FRMD4A: variants seen among roughly 807,000 people sequenced by gnomAD.
FRMD4A encodes FERM domain containing 4A.
Under a neutral mutation model 129.1 loss-of-function variants are expected in FRMD4A, and 29 were observed. The observed-to-expected ratio is 0.22, with a 90% confidence interval of 0.17 to 0.31. FRMD4A has a LOEUF of 0.31. Among genes scored for constraint, FRMD4A ranks in the 10% least tolerant of loss-of-function variants. The pLI, the probability that FRMD4A is intolerant of heterozygous loss-of-function variation, is 1.00. For synonymous variants in FRMD4A, 634 were observed against 571.6 expected, an observed-to-expected ratio of 1.11 and a Z score of -1.56; for missense variants, 1,272 against 1,375.8, an observed-to-expected ratio of 0.92 and a Z score of 1.19.
intron 2 of FRMD4A, among the ~76,000 whole-genome samples, chr10:14,265,542 A>C (rs1362507661): frequency 6.6e-6 from 1 of 152,238 alleles, no homozygotes; most frequent in East Asian, 1.9e-4. Flanking sequence ...CACAATTTGT[A>C]GAGGTTAGAA....
chr10:13,704,731 G>A (rs1036261576), intron 13 of FRMD4A, among the ~76,000 whole-genome samples: 2 of 152,112 alleles, frequency 1.3e-5, no homozygotes, highest in South Asian at 2.1e-4. Flanking sequence ...GCTACTTGTC[G>A]TCTAGAGCAG....
chr10:13,813,065 C>T (rs1401551783), intron 3 of FRMD4A, among the ~76,000 whole-genome samples: 4 of 152,220 alleles, frequency 2.6e-5, no homozygotes, highest in South Asian at 4.1e-4. Flanking sequence ...AGCACTAGCT[C>T]CACCCCCAGG....
intron 12 of FRMD4A, chr10:13,729,556 C>T (rs58488620): frequency 2.0e-5 from 3 of 152,246 alleles, no homozygotes; most frequent in Non-Finnish European, 4.4e-5. Flanking sequence ...TCATTTCATT[C>T]AAAAATCTTT....
intron 3 of FRMD4A, among the ~76,000 whole-genome samples, chr10:13,823,467 C>T (rs2093657969): frequency 6.6e-6 from 1 of 152,226 alleles, no homozygotes; most frequent in African/African-American, 2.4e-5. Flanking sequence ...CCAGATAGGA[C>T]TGCCAAGTCT....
intron 3 of FRMD4A, among the ~76,000 whole-genome samples, chr10:13,811,929 C>T (rs1187236186): frequency 1.4e-5 from 2 of 142,344 alleles, no homozygotes; most frequent in African/African-American, 5.2e-5. Context: ...TGTCACCAGG[C>T]TGGTGTGCAG....
In FRMD4A at chr10:14,298,398, G is replaced by GA. The variant is rs551793087; in HGVS notation, c.45+31659dup. ...TTCTCCACTGGAAGAAAAGCACAATGAAAAAAACAATGCAACTGGCCCTCA... is the reference window on the plus strand; with the variant it reads ...TTCTCCACTGGAAGAAAAGCACAATGAAAAAAAACAATGCAACTGGCCCTCA... On this transcript the variant is annotated intron_variant, in intron 2 of 24. Coordinates refer to ENST00000357447, the MANE Select transcript of FRMD4A (RefSeq NM_018027.5). 5.9e-5 allele frequency among the ~76,000 whole-genome samples: 9 copies of GA among 152,134 alleles called. No homozygotes were observed. In the South Asian group the frequency reaches 1.2e-3, roughly 21 times the overall value.
chr10:14,017,115 T>C (rs1311086537), intron 2 of FRMD4A, among the ~76,000 whole-genome samples: 1 of 152,214 alleles, frequency 6.6e-6, no homozygotes, highest in Non-Finnish European at 1.5e-5. Flanking sequence ...GGCTAAAGGC[T>C]ATTCTACATG....
chr10:13,994,282 C>T (rs1200096489), intron 2 of FRMD4A, among the ~76,000 whole-genome samples: 1 of 149,962 alleles, frequency 6.7e-6, no homozygotes, highest in Non-Finnish European at 1.5e-5. Flanking sequence ...CGGGTTCAAG[C>T]AATTCCCCTG....
intron 2 of FRMD4A, among the ~76,000 whole-genome samples, chr10:14,317,412 C>G (rs925885309): frequency 6.6e-6 from 1 of 152,186 alleles, no homozygotes; most frequent in Admixed American, 6.6e-5. Flanking sequence ...TCCTCCAGAA[C>G]CTTCAGCTCT....
At chr10:13,809,045 C>G (rs762823447) in intron 4 of FRMD4A, among the ~76,000 whole-genome samples, 4 of 152,222 alleles carry the variant, frequency 2.6e-5, no homozygotes, top group Non-Finnish European at 5.9e-5. Context: ...CAGGAGAACT[C>G]AGACATGGAG....
At position 13,715,886 on chromosome 10, in the gene FRMD4A, C is replaced by T. The variant is rs147371343; in HGVS notation, c.760-8773G>A. ...TGTCACTGCCCTCTGGCCTGGGTGACAGAGTGAGACTCCCCCCTCAAAAAA... is the reference window on the plus strand; with the variant it reads ...TGTCACTGCCCTCTGGCCTGGGTGATAGAGTGAGACTCCCCCCTCAAAAAA... On this transcript the variant is annotated intron_variant, in intron 12 of 24. Transcript: ENST00000357447. 8.1e-3 allele frequency among the ~76,000 whole-genome samples: 997 copies of T among 123,038 alleles called. 8 individuals are homozygous for T. Among genetic ancestry groups the T allele is most frequent in the African/African-American group, 0.025 (782 of 30,996 alleles). 80.7% of individuals were successfully genotyped at this position (123,038 alleles called of 152,430 possible). A position where few individuals can be genotyped will look rare whatever the true frequency, so the allele number is the denominator to read the frequency against.
intron 2 of FRMD4A, among the ~76,000 whole-genome samples, chr10:14,166,669 C>T (rs891700602): frequency 6.6e-6 from 1 of 152,168 alleles, no homozygotes; most frequent in Non-Finnish European, 1.5e-5. Context: ...TCAGTCAATG[C>T]TGGTTATTAT....
chr10:14,262,184 A>G (rs896171093), intron 2 of FRMD4A, among the ~76,000 whole-genome samples: 7 of 152,166 alleles, frequency 4.6e-5, no homozygotes, highest in Non-Finnish European at 7.3e-5. Context: ...TTCACATTTC[A>G]GTCCCTGCCT....
At chr10:14,317,216 T>C (rs1846773067) in intron 2 of FRMD4A, among the ~76,000 whole-genome samples, 1 of 152,352 alleles carries the variant, frequency 6.6e-6, no homozygotes, top group Middle Eastern at 3.4e-3. Flanking sequence ...TTGCCATTTA[T>C]TCTGAAGACA....
In FRMD4A at chr10:13,645,347, A is replaced by AG. The variant is rs1288011233; in HGVS notation, c.*1690_*1691insC. ...CCAATAGGAAGTCATTAGAGTGAGA[A>AG]AAAAATTCCACCCCCACCCCATCCC... On this transcript the variant is annotated 3_prime_UTR_variant, in exon 25 of 25. Coordinates refer to ENST00000357447, the MANE Select transcript of FRMD4A (RefSeq NM_018027.5). 1 of 80,456 alleles carries AG rather than the reference A, an allele frequency of 1.2e-5. No individual in the cohort carries two copies. Among genetic ancestry groups the AG allele is most frequent in the Non-Finnish European group, 2.3e-5 (1 of 43,942 alleles). The allele number at this position is 80,456 out of a possible 1,614,324, so 5.0% of individuals were successfully genotyped here.
chr10:13,943,605 A>G (rs1483794644), intron 2 of FRMD4A, among the ~76,000 whole-genome samples: 1 of 137,744 alleles, frequency 7.3e-6, no homozygotes, highest in Non-Finnish European at 1.6e-5. Flanking sequence ...GTGAGATCAC[A>G]CCACTGCACT....
chr10:13,804,598 C>G (rs11599272), intron 4 of FRMD4A, among the ~76,000 whole-genome samples: 10,247 of 150,982 alleles, frequency 0.068, 427 homozygotes, highest in African/African-American at 0.11. Flanking sequence ...GGCTGGAGTT[C>G]AGTGGCATGA....
chr10:14,278,085 G>T (rs1313830930), intron 2 of FRMD4A, among the ~76,000 whole-genome samples: 1 of 152,118 alleles, frequency 6.6e-6, no homozygotes, highest in African/African-American at 2.4e-5. Context: ...ATTCTGGACC[G>T]CTTTGGCAGG....
chr10:14,168,263 C>T (rs1172516733), intron 2 of FRMD4A, among the ~76,000 whole-genome samples: 2 of 152,182 alleles, frequency 1.3e-5, no homozygotes, highest in Non-Finnish European at 2.9e-5. Flanking sequence ...TTGCTCATTT[C>T]TGGGTTGTAA....
Sources: allele counts gnomAD v4.1 joint callset (sites outside exome capture counted in the v4.1 genomes callset), GRCh38; gene constraint gnomAD v4.1.1; transcripts MANE v1.5; gene names NCBI Gene and HGNC (gene_info 2026-07-23, HGNC 2026-07-21).